SGCA: variants seen among roughly 807,000 people sequenced by gnomAD.
SGCA encodes alpha-sarcoglycan.
In SGCA, 34 loss-of-function variants were observed where a neutral mutation model predicts 38.1. That is an observed-to-expected ratio of 0.89 (90% CI 0.68 to 1.19). The LOEUF is 1.19. Among genes scored for constraint, SGCA ranks in the 50% most tolerant of loss-of-function variants. The pLI is 0.00. For synonymous variants in SGCA, 209 were observed against 214.6 expected (o/e 0.97, Z 0.23); for missense variants, 476 against 524.9 (o/e 0.91, Z 0.91).
In SGCA at chr17:50,167,523, G is replaced by A. The variant is rs1250366824; in HGVS notation, c.157+36G>A. 2.5e-6 allele frequency: 4 copies of A among 1,614,006 alleles called. No homozygotes were observed. Among genetic ancestry groups the A allele is most frequent in the Non-Finnish European group, 3.4e-6 (4 of 1,179,976 alleles). ...TGACAGGCACCCAGGCGGGCGGGCT[G>A]GGGTGTACCCCGCAGGGCTCCTGCT... On this transcript the variant is annotated intron_variant, in intron 2 of 9. Coordinates refer to ENST00000262018, the MANE Select transcript of SGCA (RefSeq NM_000023.4). This position sits in a 1 kb window ranked among gnomAD's most constrained non-coding sequence, Gnocchi z 4.5.
intron 8 of SGCA, among the ~76,000 whole-genome samples, chr17:50,171,203 C>A (rs1306738754): frequency 6.6e-6 from 1 of 152,226 alleles, no homozygotes; most frequent in African/African-American, 2.4e-5. Flanking sequence ...CTCTGCCACA[C>A]AATTACTCTG....
At chr17:50,168,332 T>A (rs753639843) in intron 4 of SGCA, 42 bp from the exon 5 acceptor site, 1 of 1,525,284 alleles carries the variant, frequency 6.6e-7, no homozygotes, top group Non-Finnish European at 8.9e-7. Context: ...GGGGCAGAGC[T>A]GGGGCTGGGT....
At chr17:50,166,229 G>A (rs1904792216) in intron 1 of SGCA, 152 bp downstream of exon 1, 9 of 700,056 alleles carry the variant, frequency 1.3e-5, no homozygotes, top group Admixed American at 8.6e-5. Flanking sequence ...GCCATGGCCA[G>A]CTGGGGATCC....
rs879567008 is a variant in SGCA at position 50,169,088 on chromosome 17, C to G, written c.585-4C>G. 6 of 1,613,692 alleles carry G rather than the reference C, an allele frequency of 3.7e-6. No homozygotes were observed. Among genetic ancestry groups the G allele is most frequent in the African/African-American group, 1.3e-5 (1 of 75,020 alleles). On this transcript the variant is annotated splice_region_variant and splice_polypyrimidine_tract_variant and intron_variant, in intron 5 of 9. Transcript: ENST00000262018. Reference sequence around the variant, plus strand: ...TGCTGACAGTGACTTCTATCTGGTCCCAGGGTATACATTAAGGTGGGTTCT... The same window carrying G: ...TGCTGACAGTGACTTCTATCTGGTCGCAGGGTATACATTAAGGTGGGTTCT...
At chr17:50,172,539 G>A (rs1038983416) in intron 8 of SGCA, 2 of 329,050 alleles carry the variant, frequency 6.1e-6, no homozygotes, top group African/African-American at 4.3e-5. Context: ...GGAGCACAGT[G>A]GCATAATCAT....
intron 4 of SGCA, 107 bp from the exon 5 acceptor site, chr17:50,168,267 G>A (rs918161474): frequency 2.0e-6 from 2 of 996,052 alleles, no homozygotes; most frequent in Middle Eastern, 3.0e-4. Flanking sequence ...ATGGGGCATT[G>A]AGGGGCCTGA....
At chr17:50,166,374 C>T (rs777849242) in intron 1 of SGCA, among the ~76,000 whole-genome samples, 6 of 152,052 alleles carry the variant, frequency 3.9e-5, no homozygotes, top group Admixed American at 1.3e-4. Flanking sequence ...CTGGCTGGGC[C>T]GCAGCTTCTA....
In SGCA at chr17:50,168,449, C is replaced by T. The variant is rs957820595; in HGVS notation, c.461C>T (p.Ala154Val). 1.9e-6 allele frequency: 3 copies of T among 1,587,298 alleles called. 1 individual carries two copies. The highest frequency in any genetic ancestry group is 3.3e-4 in the Middle Eastern group (2 of 6,032). Residue 154 changes from alanine (A) to valine (V), a missense_variant, in exon 5 of 10, where the codon GCC (alanine) becomes GTC (valine). Ala to Val is a moderately conservative substitution (Grantham distance 64). Transcript: ENST00000262018. ...GAGGAGGTGCTGCCCTCAACACCTG[C>T]CAGCCGCTTCCTCTCAGCCTTGGGG... Reference protein sequence around the residue: ...DAEEVLPSTPASRFLSALGGL... With the variant: ...DAEEVLPSTPVSRFLSALGGL...
At position 50,169,160 on chromosome 17, in the gene SGCA, G is replaced by A. The variant is rs201116286; in HGVS notation, c.653G>A (p.Ser218Asn). The A allele has an allele frequency of 6.2e-7, 1 of 1,614,012 alleles. No homozygotes were observed. The highest frequency in any genetic ancestry group is 1.3e-5 in the African/African-American group (1 of 75,016). Reference sequence around the variant, plus strand: ...CTGAAGATGGTGGCATCCCCCGATAGCCACGCCCGCTGTGCCCAGGGCCAG... The same window carrying A: ...CTGAAGATGGTGGCATCCCCCGATAACCACGCCCGCTGTGCCCAGGGCCAG... ...TCLKMVASPD[S>N]HARCAQGQPP... is the part of the protein sequence containing the mutation. Residue 218 changes from serine (S) to asparagine (N), a missense_variant, in exon 6 of 10, where the codon AGC becomes AAC. Physicochemically the swap from Ser to Asn is conservative, Grantham distance 46 (BLOSUM62 1). Transcript: ENST00000262018.
At chr17:50,174,427 G>A (rs1187263080) in intron 8 of SGCA, among the ~76,000 whole-genome samples, 2 of 152,044 alleles carry the variant, frequency 1.3e-5, no homozygotes, top group African/African-American at 4.8e-5. Context: ...TATCTTGTGA[G>A]CGCTTATCAC....
At position 50,175,837 on chromosome 17, in the gene SGCA, G is replaced by T. The variant is rs1398323731; in HGVS notation, c.*138G>T. The T allele has an allele frequency of 6.3e-6, 3 of 476,402 alleles. No homozygotes were observed. Among genetic ancestry groups the T allele is most frequent in the Non-Finnish European group, 1.2e-5 (3 of 240,814 alleles). The allele number at this position is 476,402 out of a possible 1,614,324, so 29.5% of individuals were successfully genotyped here. ...AGGCTCTAAACAAGCAGGGAGAGGG[G>T]GTGGGGTGGGGTGAGAGTGTGTGGA... is the stretch of plus-strand genomic sequence containing the variant. On this transcript the variant is annotated 3_prime_UTR_variant, in exon 10 of 10. Coordinates refer to ENST00000262018, the MANE Select transcript of SGCA (RefSeq NM_000023.4).
At chr17:50,175,524 G>T in intron 9 of SGCA, 75 bp downstream of exon 9, 1 of 1,372,002 alleles carries the variant, frequency 7.3e-7, no homozygotes, top group Non-Finnish European at 1.0e-6. Flanking sequence ...GGCAAATGGT[G>T]GGGTCTGGGA....
intron 7 of SGCA, 31 bp from the exon 8 acceptor site, chr17:50,170,609 T>C (rs879556285): frequency 1.9e-5 from 29 of 1,556,720 alleles, no homozygotes; most frequent in Non-Finnish European, 2.5e-5. Context: ...AACCCAGAGC[T>C]GGGCTAACCC....
chr17:50,172,737 G>A (rs1189024821), intron 8 of SGCA, among the ~76,000 whole-genome samples: 1 of 152,180 alleles, frequency 6.6e-6, no homozygotes, highest in African/African-American at 2.4e-5. Context: ...GCAGGCATCA[G>A]GGTTATACCA....
chr17:50,174,253 A>G (rs1733526404), intron 8 of SGCA, among the ~76,000 whole-genome samples: 1 of 152,154 alleles, frequency 6.6e-6, no homozygotes, highest in African/African-American at 2.4e-5. Flanking sequence ...CCCAGGAGGT[A>G]GAGGCTGCAG....
At chr17:50,166,191 G>A in intron 1 of SGCA, 114 bp downstream of exon 1, 1 of 860,146 alleles carries the variant, frequency 1.2e-6, no homozygotes, top group Non-Finnish European at 2.0e-6. Context: ...GGGTGAGGCA[G>A]GCGCCAGAAG....
At chr17:50,169,335 A>G in intron 6 of SGCA, 81 bp downstream of exon 6, 2 of 1,237,918 alleles carry the variant, frequency 1.6e-6, no homozygotes, top group Non-Finnish European at 2.3e-6. Flanking sequence ...GCTGCTTCCT[A>G]TCTCCGTCTC....
Position 50,167,370 on chromosome 17 carries a change from C to T in SGCA, c.40C>T (p.Leu14Phe), listed in dbSNP as rs1904980546. Residue 14 changes from leucine to phenylalanine, a missense_variant and splice_region_variant, in exon 2 of 10, where the codon CTC becomes TTC. By Grantham distance (22) the Leu-to-Phe change is conservative. Coordinates refer to ENST00000262018, the MANE Select transcript of SGCA (RefSeq NM_000023.4). This position sits in a 1 kb window ranked among gnomAD's most constrained non-coding sequence, Gnocchi z 4.5. ...TGGGACTTGTGGGGTCCCCACAGTT[C>T]TCCTGGCAGGGCTGGGGGACACCGA... ...TLFWTPLLVV[L>F]LAGLGDTEAQ... is the part of the protein sequence containing the mutation. The T allele has an allele frequency of 3.7e-6, 6 of 1,614,126 alleles. 1 individual carries two copies. The East Asian group carries it at 1.3e-4, about 36-fold the overall frequency.
chr17:50,175,382 G>A lies in SGCA; in HGVS notation c.1109G>A (p.Arg370Gln), dbSNP rs779834721. The A allele has an allele frequency of 7.4e-6, 12 of 1,613,072 alleles. No individual in the cohort carries two copies. Among genetic ancestry groups the A allele is most frequent in the Middle Eastern group, 1.7e-4 (1 of 6,054 alleles). Residue 370 changes from arginine to glutamine, a missense_variant, in exon 9 of 10, where the codon CGG (arginine) becomes CAG (glutamine). Physicochemically the swap from Arg to Gln is conservative, Grantham distance 43. Coordinates refer to ENST00000262018, the MANE Select transcript of SGCA (RefSeq NM_000023.4). Reference sequence around the variant, plus strand: ...ATGTTCAATGTGCACACAGGTGAGCGGCTGCCTCCCCGCGTGGACAGCGCC... The same window carrying A: ...ATGTTCAATGTGCACACAGGTGAGCAGCTGCCTCCCCGCGTGGACAGCGCC... ...LPMFNVHTGE[R>Q]LPPRVDSAQV...
Sources: gnomAD v4.1 joint callset for allele counts (sites outside exome capture counted in the v4.1 genomes callset) on GRCh38, gnomAD v4.1.1 for gene constraint, Gnocchi (gnomAD v3.1) non-coding constraint, MANE v1.5 for transcripts, NCBI Gene and HGNC (gene_info 2026-07-23, HGNC 2026-07-21) for gene names.